Variants in SLC35D4 observed in about 807,000 individuals in gnomAD.
The protein encoded by SLC35D4 is UDP-N-acetylglucosamine transporter SLC35D4.
the SLC35D4 span, among the ~76,000 whole-genome samples, chr18:23,319,807 C>A: frequency 2.0e-5 from 3 of 152,232 alleles, no homozygotes; most frequent in Non-Finnish European, 2.9e-5. Flanking sequence ...ATAAAGATGT[C>A]ATTTCATTGT....
chr18:23,291,267 G>T, the SLC35D4 span, among the ~76,000 whole-genome samples: 64 of 152,216 alleles, frequency 4.2e-4, no homozygotes, highest in Non-Finnish European at 8.5e-4. Flanking sequence ...GCCCAGACTG[G>T]ATCTGCCTGA....
the SLC35D4 span, among the ~76,000 whole-genome samples, chr18:23,404,597 C>T: frequency 1.3e-3 from 192 of 149,954 alleles, 2 homozygotes; most frequent in East Asian, 0.03. Context: ...CACTTGAACC[C>T]GGGAGGCTTG....
the SLC35D4 span, among the ~76,000 whole-genome samples, chr18:23,323,157 A>T: frequency 3.4e-4 from 52 of 152,350 alleles, no homozygotes; most frequent in African/African-American, 1.2e-3. Context: ...ATTTTTAGAA[A>T]TTACATGAAT....
At chr18:23,316,855 C>T in the SLC35D4 span, among the ~76,000 whole-genome samples, 2 of 152,074 alleles carry the variant, frequency 1.3e-5, no homozygotes. Context: ...CATAAAATGT[C>T]CCAGACACCA....
chr18:23,253,133 G>A, the SLC35D4 span: 1 of 888,134 alleles, frequency 1.1e-6, no homozygotes. Context: ...CCGTAAGCTT[G>A]TCATCTGTCC....
At chr18:23,432,970 ACT>A in the SLC35D4 span, among the ~76,000 whole-genome samples, 1 of 128,134 alleles carries the variant, frequency 7.8e-6, no homozygotes, top group African/African-American at 3.1e-5. Context: ...ACAGAGCAAG[ACT>A]CTGTCTCAAA....
At chr18:23,356,803 T>G in the SLC35D4 span, 2 of 657,552 alleles carry the variant, frequency 3.0e-6, no homozygotes, top group Middle Eastern at 4.0e-4. This position sits in a 1 kb window ranked among gnomAD's most constrained non-coding sequence, Gnocchi z 4.1. Flanking sequence ...ACTCCAGCAT[T>G]CCCAGGGATT....
chr18:23,285,962 G>A, the SLC35D4 span, among the ~76,000 whole-genome samples: 3 of 152,020 alleles, frequency 2.0e-5, no homozygotes, highest in Non-Finnish European at 4.4e-5. Context: ...ATCCAGCCCC[G>A]TTCATGGCTC....
chr18:23,437,446 A>T, the SLC35D4 span, among the ~76,000 whole-genome samples: 1 of 150,822 alleles, frequency 6.6e-6, no homozygotes, highest in East Asian at 2.0e-4. Context: ...ATTTCTTCTG[A>T]CTCTTCCTCC....
the SLC35D4 span, among the ~76,000 whole-genome samples, chr18:23,315,176 C>G: frequency 6.6e-6 from 1 of 152,166 alleles, no homozygotes; most frequent in East Asian, 1.9e-4. Flanking sequence ...GCTTCTTCAG[C>G]CCAGTTACAG....
At chr18:23,431,601 G>A in the SLC35D4 span, among the ~76,000 whole-genome samples, 9 of 151,914 alleles carry the variant, frequency 5.9e-5, no homozygotes, top group Non-Finnish European at 1.3e-4. Context: ...TTAGGATTTT[G>A]TATGTTGTTT....
the SLC35D4 span, among the ~76,000 whole-genome samples, chr18:23,366,936 A>T: frequency 6.6e-6 from 1 of 152,228 alleles, no homozygotes; most frequent in African/African-American, 2.4e-5. Context: ...CTTCACAATG[A>T]TCAGCCCTTT....
At chr18:23,268,094 A>T in the SLC35D4 span, among the ~76,000 whole-genome samples, 1 of 152,240 alleles carries the variant, frequency 6.6e-6, no homozygotes, top group Admixed American at 6.5e-5. Flanking sequence ...CAGGCCTTTT[A>T]TCTTTTCCAT....
At chr18:23,433,943 CAATATGCTCATAATAG>C in the SLC35D4 span, among the ~76,000 whole-genome samples, 1 of 151,866 alleles carries the variant, frequency 6.6e-6, no homozygotes, top group Admixed American at 6.6e-5. Flanking sequence ...CATTAGAGTA[CAATATGCTCATAATAG>C]AATATGCTCA....
chr18:23,378,309 T>C, the SLC35D4 span, among the ~76,000 whole-genome samples: 1 of 152,032 alleles, frequency 6.6e-6, no homozygotes. Flanking sequence ...AGCACTGGGA[T>C]TACAGGCGTG....
the SLC35D4 span, among the ~76,000 whole-genome samples, chr18:23,240,183 G>A: frequency 2.6e-5 from 4 of 152,126 alleles, no homozygotes. Context: ...CCAGGGGGTA[G>A]GCCTCAAGGA....
At chr18:23,333,456 C>A in the SLC35D4 span, among the ~76,000 whole-genome samples, 13 of 152,130 alleles carry the variant, frequency 8.5e-5, no homozygotes, top group Non-Finnish European at 1.9e-4. Flanking sequence ...TAAAGAAAGA[C>A]GAAATTTAAT....
chr18:23,399,895 C>T, the SLC35D4 span, among the ~76,000 whole-genome samples: 38 of 152,192 alleles, frequency 2.5e-4, no homozygotes, highest in Admixed American at 1.2e-3. Flanking sequence ...AAATGGCAAA[C>T]GCCTTGCTGC....
the SLC35D4 span, among the ~76,000 whole-genome samples, chr18:23,321,567 G>A: frequency 4.8e-3 from 733 of 152,014 alleles, 6 homozygotes; most frequent in African/African-American, 0.017. Context: ...CTGATTCTCC[G>A]TCTCAGCCTC....
Sources: allele counts gnomAD v4.1 joint callset (sites outside exome capture counted in the v4.1 genomes callset), GRCh38; gene constraint gnomAD v4.1.1; non-coding constraint Gnocchi (gnomAD v3.1); transcripts MANE v1.5; gene names NCBI Gene and HGNC (gene_info 2026-07-23, HGNC 2026-07-21).